GRID2: variants seen among roughly 807,000 people sequenced by gnomAD.
GRID2 encodes glutamate receptor ionotropic, delta-2.
A neutral mutation model predicts 114.8 loss-of-function variants in GRID2; 33 were observed. The observed-to-expected ratio is 0.29, with a 90% confidence interval of 0.22 to 0.38. The LOEUF (loss-of-function observed/expected upper bound fraction) is 0.38, where lower values mean the gene tolerates loss of function less well. Among genes scored for constraint, GRID2 ranks in the 10% least tolerant of loss-of-function variants. GRID2 has a pLI of 1.00. For synonymous variants in GRID2, 505 were observed against 449.9 expected (o/e 1.12, Z -1.55); for missense variants, 1,184 against 1,257.7 (o/e 0.94, Z 0.89).
intron 13 of GRID2, among the ~76,000 whole-genome samples, chr4:93,617,268 A>C (rs544478797): frequency 6.6e-6 from 1 of 152,314 alleles, no homozygotes; most frequent in African/African-American, 2.4e-5. Context: ...TTATAGAGCT[A>C]TCAGGGGAAT....
At position 93,774,051 on chromosome 4, in the gene GRID2, C is replaced by A. The variant is rs530195400; in HGVS notation, c.*1553C>A. ...TACTTTAATCTAACTCATTCTGTGG[C>A]TAGGATTGATATAGGAATCAACCTA... On this transcript the variant is annotated 3_prime_UTR_variant, in exon 16 of 16. Coordinates refer to ENST00000282020, the MANE Select transcript of GRID2 (RefSeq NM_001510.4). 8 of 152,148 alleles carry A rather than the reference C, an allele frequency of 5.3e-5. 1 individual carries two copies. Among genetic ancestry groups the A allele is most frequent in the African/African-American group, 1.9e-4 (8 of 41,540 alleles). The allele number at this position is 152,148 out of a possible 1,614,324, so 9.4% of individuals were successfully genotyped here.
chr4:93,234,386 A>G (rs1746511710), intron 7 of GRID2, among the ~76,000 whole-genome samples: 1 of 152,096 alleles, frequency 6.6e-6, no homozygotes, highest in Admixed American at 6.6e-5. Context: ...GAGACACAAG[A>G]TGAAGGTTTC....
At chr4:92,451,660 A>G (rs552484604) in intron 1 of GRID2, among the ~76,000 whole-genome samples, 11 of 152,206 alleles carry the variant, frequency 7.2e-5, no homozygotes, top group Admixed American at 2.0e-4. Context: ...CACCAATGAT[A>G]TGCATGAGTG....
At chr4:92,903,065 G>T (rs761724680) in intron 2 of GRID2, among the ~76,000 whole-genome samples, 3 of 151,500 alleles carry the variant, frequency 2.0e-5, no homozygotes, top group Non-Finnish European at 4.4e-5. Context: ...ATTAATTTTA[G>T]GATTTTTTTT....
intron 2 of GRID2, among the ~76,000 whole-genome samples, chr4:92,708,734 C>A (rs1735069944): frequency 6.6e-6 from 1 of 152,082 alleles, no homozygotes; most frequent in South Asian, 2.1e-4. Flanking sequence ...GAGGACCAGC[C>A]AGACTAACAT....
intron 1 of GRID2, among the ~76,000 whole-genome samples, chr4:92,323,441 A>G (rs1726425145): frequency 6.6e-6 from 1 of 152,060 alleles, no homozygotes; most frequent in Non-Finnish European, 1.5e-5. Context: ...TGTAGAAGTC[A>G]TTAGATTCTC....
chr4:92,944,419 G>A (rs1269383179), intron 2 of GRID2, among the ~76,000 whole-genome samples: 2 of 152,186 alleles, frequency 1.3e-5, no homozygotes, highest in Non-Finnish European at 2.9e-5. Context: ...TAAGACAGTT[G>A]GAAAAGCACA....
intron 14 of GRID2, among the ~76,000 whole-genome samples, chr4:93,706,380 C>G (rs1368510987): frequency 6.6e-6 from 1 of 151,586 alleles, no homozygotes; most frequent in Admixed American, 6.6e-5. Flanking sequence ...TTTTTATGTC[C>G]TCTTCAATTT....
chr4:92,366,316 C>A (rs1393513302), intron 1 of GRID2, among the ~76,000 whole-genome samples: 1 of 151,802 alleles, frequency 6.6e-6, no homozygotes, highest in Non-Finnish European at 1.5e-5. Flanking sequence ...GGTGTAAGAT[C>A]TCTAATTTCC....
chr4:93,354,505 C>G (rs975739475), intron 8 of GRID2, among the ~76,000 whole-genome samples: 29 of 151,770 alleles, frequency 1.9e-4, no homozygotes, highest in Admixed American at 1.5e-3. Flanking sequence ...TGAGTGTTCC[C>G]TGAGGACAAA....
intron 2 of GRID2, among the ~76,000 whole-genome samples, chr4:92,930,966 A>G (rs1750187172): frequency 6.6e-6 from 1 of 151,058 alleles, no homozygotes; most frequent in African/African-American, 2.4e-5. Context: ...AGTAAAAGCA[A>G]CATTACACAC....
At chr4:93,437,541 C>T (rs1056847384) in intron 10 of GRID2, among the ~76,000 whole-genome samples, 3 of 151,936 alleles carry the variant, frequency 2.0e-5, no homozygotes, top group African/African-American at 7.3e-5. Context: ...GAAGACAAAA[C>T]ATAAGATTAC....
chr4:92,737,472 CAATT>C (rs538603863), intron 2 of GRID2, among the ~76,000 whole-genome samples: 70 of 152,028 alleles, frequency 4.6e-4, no homozygotes, highest in Non-Finnish European at 8.1e-4. Context: ...CAACAACTAA[CAATT>C]TATTTAAGTA....
intron 14 of GRID2, among the ~76,000 whole-genome samples, chr4:93,713,338 T>TTTG (rs1031481322): frequency 7.9e-5 from 12 of 152,080 alleles, no homozygotes; most frequent in Non-Finnish European, 1.6e-4. Flanking sequence ...TGACAGTTTG[T>TTTG]TTGTTGTTGT....
At chr4:93,298,696 A>AGC (rs1338634557) in intron 8 of GRID2, among the ~76,000 whole-genome samples, 29 of 152,234 alleles carry the variant, frequency 1.9e-4, no homozygotes, top group Non-Finnish European at 3.5e-4. Flanking sequence ...TTCTTGAGGA[A>AGC]GCCTCCCCTT....
chr4:93,803,364 A>C (rs1165061262), intron 1 of GRID2, among the ~76,000 whole-genome samples: 1 of 152,146 alleles, frequency 6.6e-6, no homozygotes, highest in Non-Finnish European at 1.5e-5. Context: ...GATAAAGAAA[A>C]ATTAAGCACG....
At chr4:92,687,360 G>C (rs998853272) in intron 2 of GRID2, among the ~76,000 whole-genome samples, 7 of 151,936 alleles carry the variant, frequency 4.6e-5, no homozygotes, top group Non-Finnish European at 1.0e-4. Context: ...ATATAGATTG[G>C]AAATATTGAA....
Position 93,490,758 on chromosome 4 carries a change from C to T in GRID2, c.1978C>T (p.Arg660Cys), listed in dbSNP as rs781013535. Residue 660 changes from arginine (R) to cysteine (C), a missense_variant, in exon 12 of 16, where the codon CGC (arginine) becomes TGC (cysteine). Coordinates refer to ENST00000282020, the MANE Select transcript of GRID2 (RefSeq NM_001510.4). ...CCTCGCTGCTTTCCTCACTATTACA[C>T]GCATTGAAAGTTCCATCCAGTAAGT... ...ANLAAFLTITRIESSIQSLQD... is the reference protein window; with the variant it reads ...ANLAAFLTITCIESSIQSLQD... 4 of 1,608,722 alleles carry T rather than the reference C, an allele frequency of 2.5e-6. No individual in the cohort carries two copies. The highest frequency in any genetic ancestry group is 1.1e-5 in the South Asian group (1 of 90,648).
chr4:93,699,899 T>G (rs1560920670), intron 14 of GRID2, among the ~76,000 whole-genome samples: 1 of 152,138 alleles, frequency 6.6e-6, no homozygotes, highest in Non-Finnish European at 1.5e-5. Flanking sequence ...GAATTTATTC[T>G]AAACTGTGAC....
Sources: gnomAD v4.1 joint callset for allele counts (sites outside exome capture counted in the v4.1 genomes callset) on GRCh38, gnomAD v4.1.1 for gene constraint, MANE v1.5 for transcripts, NCBI Gene and HGNC (gene_info 2026-07-23, HGNC 2026-07-21) for gene names.